Variants in ARID1B observed in about 807,000 individuals in gnomAD.
The protein encoded by ARID1B is AT-rich interaction domain 1B.
ARID1B carries 30 observed loss-of-function variants against 212.3 expected under a neutral mutation model. The ratio of observed to expected loss-of-function variants is 0.14; its 90% confidence interval spans 0.11 to 0.19. ARID1B has a LOEUF of 0.19. Among genes scored for constraint, ARID1B ranks in the 10% least tolerant of loss-of-function variants. The probability of loss-of-function intolerance (pLI) is 1.00; values close to 1 mark genes in which losing one functional copy is unlikely to be tolerated. For synonymous variants in ARID1B, 1,402 were observed against 1,301.7 expected (o/e 1.08, Z -1.66); for missense variants, 2,891 against 3,204.0 (o/e 0.90, Z 2.36).
At chr6:156,797,516 C>T (rs1023597191) in intron 1 of ARID1B, among the ~76,000 whole-genome samples, 5 of 152,180 alleles carry the variant, frequency 3.3e-5, no homozygotes, top group African/African-American at 1.2e-4. Context: ...GTGGCAGCCC[C>T]GATGCCACCT....
chr6:157,028,862 C>G lies in ARID1B; in HGVS notation c.2248-55800C>G, dbSNP rs142152174. The stretch of plus-strand genomic sequence containing the variant: ...CCTGTAGCATAGGCAGATATTCTTA[C>G]CATCCACTGTGTTGTGGTCAGCCAA... On this transcript the variant is annotated intron_variant, in intron 4 of 19. Coordinates refer to ENST00000636930, the MANE Select transcript of ARID1B (RefSeq NM_001374828.1). 8.7e-3 allele frequency among the ~76,000 whole-genome samples: 1,323 copies of G among 152,312 alleles called. 25 individuals carry two copies. Among genetic ancestry groups the G allele is most frequent in the African/African-American group, 0.031 (1,278 of 41,564 alleles).
chr6:157,088,982 C>T (rs960169372), intron 5 of ARID1B, among the ~76,000 whole-genome samples: 2 of 152,182 alleles, frequency 1.3e-5, no homozygotes, highest in Non-Finnish European at 2.9e-5. Flanking sequence ...CTCTTACTCC[C>T]AGCACCAACT....
chr6:157,114,864 T>G (rs754889226), intron 6 of ARID1B, among the ~76,000 whole-genome samples: 1 of 152,208 alleles, frequency 6.6e-6, no homozygotes, highest in Non-Finnish European at 1.5e-5. Context: ...CTCCAAGTCC[T>G]CATGGGGCAG....
At chr6:157,123,310 A>C (rs1217777917) in intron 6 of ARID1B, among the ~76,000 whole-genome samples, 2 of 130,804 alleles carry the variant, frequency 1.5e-5, no homozygotes, top group African/African-American at 5.6e-5. Context: ...ACTGCTTCTT[A>C]GGCCGCCCAG....
intron 2 of ARID1B, among the ~76,000 whole-genome samples, chr6:156,886,983 C>A (rs1450635360): frequency 6.6e-6 from 1 of 152,202 alleles, no homozygotes; most frequent in Non-Finnish European, 1.5e-5. Flanking sequence ...ACTGACCCTA[C>A]CTTTGTACAT....
chr6:156,908,713 T>C (rs1789610634), intron 3 of ARID1B, among the ~76,000 whole-genome samples: 1 of 152,206 alleles, frequency 6.6e-6, no homozygotes, highest in Non-Finnish European at 1.5e-5. Flanking sequence ...TTGTTCTCTT[T>C]TAGTTCTAAG....
chr6:156,982,917 G>A (rs1372467058), intron 4 of ARID1B, among the ~76,000 whole-genome samples: 1 of 151,944 alleles, frequency 6.6e-6, no homozygotes, highest in East Asian at 1.9e-4. Flanking sequence ...GAGAATCTTT[G>A]TTCCTATTTA....
chr6:157,139,475 C>T (rs909483910), intron 7 of ARID1B, among the ~76,000 whole-genome samples: 10 of 152,162 alleles, frequency 6.6e-5, no homozygotes, highest in South Asian at 2.1e-4. Context: ...CTGTGGTTAG[C>T]GGCAGCCGAT....
intron 4 of ARID1B, among the ~76,000 whole-genome samples, chr6:157,045,924 G>T (rs1782207513): frequency 6.6e-6 from 1 of 152,040 alleles, no homozygotes; most frequent in Non-Finnish European, 1.5e-5. Flanking sequence ...AGAGGAATCT[G>T]CAGTGTTTCT....
intron 1 of ARID1B, among the ~76,000 whole-genome samples, chr6:156,815,490 T>A (rs1053980812): frequency 6.6e-6 from 1 of 152,160 alleles, no homozygotes; most frequent in Non-Finnish European, 1.5e-5. Context: ...CACCCATTTT[T>A]AAAATAACAG....
intron 3 of ARID1B, among the ~76,000 whole-genome samples, chr6:156,906,284 AT>A (rs1789367469): frequency 6.6e-6 from 1 of 151,870 alleles, no homozygotes; most frequent in African/African-American, 2.4e-5. Context: ...CAGCCACCTC[AT>A]GCCTGTAATC....
At chr6:157,066,478 T>G (rs1368395729) in intron 4 of ARID1B, among the ~76,000 whole-genome samples, 1 of 152,208 alleles carries the variant, frequency 6.6e-6, no homozygotes, top group East Asian at 1.9e-4. Context: ...TATCTTCCAT[T>G]AAATATATAA....
At chr6:157,140,857 T>C (rs1478004476) in intron 7 of ARID1B, 1 of 392,736 alleles carries the variant, frequency 2.5e-6, no homozygotes, top group Non-Finnish European at 4.5e-6. Context: ...CTCAGCACTC[T>C]GCAGAGTCCT....
intron 1 of ARID1B, among the ~76,000 whole-genome samples, chr6:156,827,754 CTTTTTTTTTTTTTTTTT>C (rs532857305): frequency 8.8e-5 from 6 of 68,420 alleles, no homozygotes; most frequent in Non-Finnish European, 1.7e-4. Flanking sequence ...CCTGGTAATT[CTTTTTTTTTTTTTTTTT>C]TTTTTTTTTT....
In ARID1B at chr6:157,148,868, G is replaced by A. The variant is rs764210072; in HGVS notation, c.3006G>A (p.Gly1002=). Residue 1002 remains glycine (G), a synonymous_variant, in exon 8 of 20, where the codon GGG becomes GGA. Transcript: ENST00000636930. The surrounding 1 kb of genome is among the most constrained non-coding windows in gnomAD (Gnocchi z 5.6). ...CTCAGCAGGGAGGGCCAGGAATGGGGCCGCCAATGCCAACTGTGAACCGTA... is the reference window on the plus strand; with the variant it reads ...CTCAGCAGGGAGGGCCAGGAATGGGACCGCCAATGCCAACTGTGAACCGTA... ...GMSQQGGPGM[G]PPMPTVNRKA... 5 of 1,612,810 alleles carry A rather than the reference G, an allele frequency of 3.1e-6. No individual in the cohort carries two copies. The highest frequency in any genetic ancestry group is 1.1e-5 in the South Asian group (1 of 91,088).
At chr6:156,861,398 G>A (rs548870947) in intron 2 of ARID1B, among the ~76,000 whole-genome samples, 3 of 152,134 alleles carry the variant, frequency 2.0e-5, no homozygotes, top group Non-Finnish European at 2.9e-5. Context: ...ACAGGATTTC[G>A]AGGAATTCGA....
intron 3 of ARID1B, among the ~76,000 whole-genome samples, chr6:156,930,548 G>C (rs1791611917): frequency 6.6e-6 from 1 of 152,190 alleles, no homozygotes; most frequent in Non-Finnish European, 1.5e-5. Context: ...AATTTCACTT[G>C]TAAAGATTGA....
At chr6:156,942,110 A>T (rs2038623) in intron 4 of ARID1B, 1 of 152,188 alleles carries the variant, frequency 6.6e-6, no homozygotes, top group East Asian at 1.9e-4. Context: ...ATTTTATAGG[A>T]GTGTCAATTA....
rs138693953 is a variant in ARID1B, at chr6:157,187,884, T to C, written c.3920-1758T>C. The stretch of plus-strand genomic sequence containing the variant: ...TTGCAAGTGATGTTTCCAAGGAGGC[T>C]GTCGGCTGGAGCGGAGCCTGCCTGA... On this transcript the variant is annotated intron_variant, in intron 13 of 19. Coordinates refer to ENST00000636930, the MANE Select transcript of ARID1B (RefSeq NM_001374828.1). Among the ~76,000 whole-genome samples, 959 of 152,214 alleles carry C rather than the reference T, an allele frequency of 6.3e-3. 10 individuals are homozygous for C. Among genetic ancestry groups the C allele is most frequent in the African/African-American group, 0.022 (919 of 41,536 alleles).
Sources: allele counts gnomAD v4.1 joint callset (sites outside exome capture counted in the v4.1 genomes callset), GRCh38; gene constraint gnomAD v4.1.1; non-coding constraint Gnocchi (gnomAD v3.1); transcripts MANE v1.5; gene names NCBI Gene and HGNC (gene_info 2026-07-23, HGNC 2026-07-21).